GAD2: variants seen among roughly 807,000 people sequenced by gnomAD.
GAD2 encodes glutamate decarboxylase 2.
A neutral mutation model predicts 80.1 loss-of-function variants in GAD2; 22 were observed. That is an observed-to-expected ratio of 0.27 (90% confidence interval 0.20 to 0.39). The LOEUF (loss-of-function observed/expected upper bound fraction) is 0.39. Ranked by LOEUF, GAD2 falls within the 10% of genes least tolerant of loss-of-function variation. The pLI, the probability that GAD2 is intolerant of heterozygous loss-of-function variation, is 1.00. For synonymous variants in GAD2, 274 were observed against 256.9 expected, an observed-to-expected ratio of 1.07 and a Z score of -0.64; for missense variants, 624 against 738.4, an observed-to-expected ratio of 0.85 and a Z score of 1.80.
At chr10:26,223,252 A>G (rs1844475923) in intron 4 of GAD2, among the ~76,000 whole-genome samples, 1 of 152,206 alleles carries the variant, frequency 6.6e-6, no homozygotes, top group South Asian at 2.1e-4. Context: ...AACAAAGAAG[A>G]ATTGACAAGA....
chr10:26,285,214 A>T (rs1311212617), intron 12 of GAD2, among the ~76,000 whole-genome samples: 1 of 152,236 alleles, frequency 6.6e-6, no homozygotes. Flanking sequence ...CTAAACTACA[A>T]GGTAGAGTCC....
intron 10 of GAD2, among the ~76,000 whole-genome samples, chr10:26,272,536 A>G (rs1284017129): frequency 7.1e-6 from 1 of 140,624 alleles, no homozygotes; most frequent in Non-Finnish European, 1.5e-5. Flanking sequence ...ATCTTAAAAT[A>G]GTACACGTTT....
At chr10:26,288,013 C>T (rs932079072) in intron 13 of GAD2, among the ~76,000 whole-genome samples, 1 of 152,182 alleles carries the variant, frequency 6.6e-6, no homozygotes, top group Non-Finnish European at 1.5e-5. Context: ...GGAACCATGT[C>T]CACGGCAATG....
chr10:26,285,770 T>C (rs1845325118), intron 12 of GAD2, among the ~76,000 whole-genome samples: 1 of 58,330 alleles, frequency 1.7e-5, no homozygotes, highest in East Asian at 4.9e-4. Context: ...ATATGTGGGT[T>C]TTTTTTTTTT....
rs749209626 is a variant in GAD2 at position 26,217,685 on chromosome 10, C to T, written c.136+16C>T. 4 of 1,612,646 alleles carry T rather than the reference C, an allele frequency of 2.5e-6. No homozygotes were observed. Among genetic ancestry groups the T allele is most frequent in the Admixed American group, 1.7e-5 (1 of 59,884 alleles). On this transcript the variant is annotated intron_variant, in intron 2 of 15. Transcript: ENST00000376261. This position sits in a 1 kb window ranked among gnomAD's most constrained non-coding sequence, Gnocchi z 4.9. ...AAACTGTGCGGTGAGTGCCCAGGGA[C>T]CGGGGCGGCCAAGGTCGGCCCGCGG...
chr10:26,247,030 A>G (rs1239732353), intron 8 of GAD2, among the ~76,000 whole-genome samples: 1 of 152,240 alleles, frequency 6.6e-6, no homozygotes, highest in African/African-American at 2.4e-5. Context: ...TCGCGCAAGA[A>G]GGAATTCAGG....
chr10:26,217,659 C>G lies in GAD2; in HGVS notation c.126C>G (p.Asn42Lys), dbSNP rs369367874. The change falls in exon 2 of 16, where the codon AAC (asparagine) becomes AAG (lysine). Residue 42 changes from asparagine (N) to lysine (K), a missense_variant. Transcript: ENST00000376261. This position sits in a 1 kb window ranked among gnomAD's most constrained non-coding sequence, Gnocchi z 4.9. The part of the protein sequence containing the change: ...VAQKFTGGIG[N>K]KLCALLYGDA... ...AGAAGTTCACGGGCGGCATCGGAAA[C>G]AAACTGTGCGGTGAGTGCCCAGGGA... 5 of 1,613,578 alleles carry G rather than the reference C, an allele frequency of 3.1e-6. No individual in the cohort carries two copies. Among genetic ancestry groups the G allele is most frequent in the Non-Finnish European group, 4.2e-6 (5 of 1,179,840 alleles).
chr10:26,238,129 T>C lies in GAD2; in HGVS notation c.841-7792T>C, dbSNP rs116615515. On this transcript the variant is annotated intron_variant, in intron 7 of 15. Coordinates refer to ENST00000376261, the MANE Select transcript of GAD2 (RefSeq NM_001134366.2). ...GGTAAGGAGGGAGACCTGAGGACAG[T>C]ATCACATTAGGTAGAAGGATGGGAG... Among the ~76,000 whole-genome samples, 1,277 of 152,104 alleles carry C rather than the reference T, an allele frequency of 8.4e-3. 23 individuals are homozygous for C. The highest frequency in any genetic ancestry group is 0.03 in the African/African-American group (1,228 of 41,466).
Position 26,216,993 on chromosome 10 carries a change from C to G in GAD2, c.76+108C>G, listed in dbSNP as rs895665967. 1.1e-6 allele frequency: 1 copy of G among 913,072 alleles called. No homozygotes were observed. The highest frequency in any genetic ancestry group is 1.7e-5 in the African/African-American group (1 of 58,160). The allele number at this position is 913,072 out of a possible 1,614,324, so 56.6% of individuals were successfully genotyped here. A position where few individuals can be genotyped will look rare whatever the true frequency, so the allele number is the denominator to read the frequency against. ...TTTTTCCACCTGCAACAGGAAACTT[C>G]TTCGGGCGCTTCTCCCTGCTTTTGG... On this transcript the variant is annotated intron_variant, in intron 1 of 15. Transcript: ENST00000376261. The surrounding 1 kb of genome is among the most constrained non-coding windows in gnomAD (Gnocchi z 4.7).
chr10:26,300,380 A>G (rs1206664696), intron 15 of GAD2, among the ~76,000 whole-genome samples: 1 of 152,172 alleles, frequency 6.6e-6, no homozygotes, highest in Non-Finnish European at 1.5e-5. Context: ...ATCACCTGAC[A>G]CTCAAACTTA....
chr10:26,283,087 G>A (rs1209816985), intron 12 of GAD2, among the ~76,000 whole-genome samples: 2 of 152,262 alleles, frequency 1.3e-5, no homozygotes, highest in East Asian at 3.8e-4. Flanking sequence ...GGAAATGCGA[G>A]CCGGAGGAAA....
chr10:26,226,145 C>A (rs1190936001), intron 6 of GAD2, among the ~76,000 whole-genome samples: 1 of 151,862 alleles, frequency 6.6e-6, no homozygotes, highest in East Asian at 1.9e-4. Flanking sequence ...TTTTAATGGT[C>A]CCCGGGAGTA....
At chr10:26,254,680 C>T (rs955510113) in intron 8 of GAD2, among the ~76,000 whole-genome samples, 13 of 152,288 alleles carry the variant, frequency 8.5e-5, no homozygotes, top group African/African-American at 3.1e-4. Context: ...GGGTTTTGAG[C>T]AGGGGAACAA....
intron 7 of GAD2, among the ~76,000 whole-genome samples, chr10:26,236,928 C>A (rs1844679172): frequency 6.6e-6 from 1 of 152,200 alleles, no homozygotes; most frequent in African/African-American, 2.4e-5. Context: ...AACCTGAAAG[C>A]CTTGCTGAGA....
At chr10:26,287,434 G>A (rs1845346428) in intron 13 of GAD2, among the ~76,000 whole-genome samples, 1 of 152,352 alleles carries the variant, frequency 6.6e-6, no homozygotes, top group African/African-American at 2.4e-5. Flanking sequence ...AGGAATACAT[G>A]TGCCATAGTA....
intron 10 of GAD2, among the ~76,000 whole-genome samples, chr10:26,272,571 C>T (rs1845148961): frequency 1.3e-5 from 2 of 152,022 alleles, no homozygotes; most frequent in African/African-American, 2.4e-5. Flanking sequence ...TTTCAAAGTG[C>T]AAAAGAACTG....
At chr10:26,232,785 G>A (rs1162472537) in intron 7 of GAD2, among the ~76,000 whole-genome samples, 2 of 152,134 alleles carry the variant, frequency 1.3e-5, no homozygotes, top group African/African-American at 2.4e-5. Flanking sequence ...TTACAGGAGT[G>A]AGCCGCCACG....
chr10:26,263,775 T>C (rs532089380), intron 8 of GAD2, among the ~76,000 whole-genome samples: 1 of 152,212 alleles, frequency 6.6e-6, no homozygotes, highest in Non-Finnish European at 1.5e-5. Context: ...TCCTCAAATA[T>C]GTTTTAGGGT....
intron 7 of GAD2, among the ~76,000 whole-genome samples, chr10:26,237,922 A>T (rs960892821): frequency 6.6e-6 from 1 of 151,210 alleles, no homozygotes; most frequent in African/African-American, 2.4e-5. Flanking sequence ...CAGGAGAATC[A>T]CTTGAACCCG....
Sources: gnomAD v4.1 joint callset for allele counts (sites outside exome capture counted in the v4.1 genomes callset) on GRCh38, gnomAD v4.1.1 for gene constraint, Gnocchi (gnomAD v3.1) non-coding constraint, MANE v1.5 for transcripts, NCBI Gene and HGNC (gene_info 2026-07-23, HGNC 2026-07-21) for gene names.